Variants in CUX2 observed in about 807,000 individuals in gnomAD.
CUX2 encodes cut like homeobox 2, also known as homeobox protein cut-like 2.
In CUX2, 40 loss-of-function variants were observed where a neutral mutation model predicts 144.8. That is an observed-to-expected ratio of 0.28 (90% confidence interval 0.21 to 0.36). The LOEUF (loss-of-function observed/expected upper bound fraction) is 0.36. Ranked by LOEUF, CUX2 falls within the 10% of genes least tolerant of loss-of-function variation. The pLI is 1.00. For synonymous variants in CUX2, 827 were observed against 875.6 expected, an observed-to-expected ratio of 0.94 and a Z score of 0.98; for missense variants, 1,615 against 1,994.0, an observed-to-expected ratio of 0.81 and a Z score of 3.62.
chr12:111,347,590 G>A lies in CUX2; in HGVS notation c.3726G>A (p.Gly1242=). Reference sequence around the variant, plus strand: ...ATGAGCCAGACCTTGATCCAAGCGGGGGTCCTGGAATCCTACCGCCAGGCC... The same window carrying A: ...ATGAGCCAGACCTTGATCCAAGCGGAGGTCCTGGAATCCTACCGCCAGGCC... ...TQDEPDLDPS[G]GPGILPPGHS... is the part of the protein sequence containing the mutation. The change falls in exon 22 of 22, where the codon GGG becomes GGA. Residue 1242 remains glycine (G), a synonymous_variant. Transcript: ENST00000261726. 6.2e-7 allele frequency: 1 copy of A among 1,613,442 alleles called. No individual in the cohort carries two copies. The highest frequency in any genetic ancestry group is 1.1e-5 in the South Asian group (1 of 91,034).
At chr12:111,112,038 G>A (rs1287305329) in intron 1 of CUX2, among the ~76,000 whole-genome samples, 1 of 152,102 alleles carries the variant, frequency 6.6e-6, no homozygotes, top group Non-Finnish European at 1.5e-5. Context: ...AAGAAGTCCT[G>A]ATGCTGGGAG....
At chr12:111,195,019 G>A (rs1880153492) in intron 1 of CUX2, among the ~76,000 whole-genome samples, 1 of 152,172 alleles carries the variant, frequency 6.6e-6, no homozygotes, top group African/African-American at 2.4e-5. Context: ...ATGCGGGGGT[G>A]TCAAACTCCT....
chr12:111,260,490 T>G (rs539535909), intron 3 of CUX2, among the ~76,000 whole-genome samples: 1 of 152,196 alleles, frequency 6.6e-6, no homozygotes, highest in African/African-American at 2.4e-5. Flanking sequence ...TATTGGGGTA[T>G]TTTACATTCC....
chr12:111,194,975 C>G (rs879344811), intron 1 of CUX2, among the ~76,000 whole-genome samples: 3 of 152,150 alleles, frequency 2.0e-5, no homozygotes, highest in Admixed American at 2.0e-4. Flanking sequence ...ATCTCCCTCT[C>G]CCCAACCCTA....
At chr12:111,326,829 A>G (rs1295584087) in intron 18 of CUX2, among the ~76,000 whole-genome samples, 2 of 152,128 alleles carry the variant, frequency 1.3e-5, no homozygotes, top group Non-Finnish European at 2.9e-5. Flanking sequence ...GCTTGAACCC[A>G]GGAAGCAGAG....
intron 8 of CUX2, among the ~76,000 whole-genome samples, chr12:111,297,367 T>G (rs556487719): frequency 2.0e-5 from 3 of 152,360 alleles, no homozygotes; most frequent in African/African-American, 7.2e-5. Flanking sequence ...CTCTTCTCCT[T>G]CCTCTGAGTC....
intron 1 of CUX2, among the ~76,000 whole-genome samples, chr12:111,105,906 C>T (rs1873575236): frequency 6.6e-6 from 1 of 150,624 alleles, no homozygotes; most frequent in Non-Finnish European, 1.5e-5. Flanking sequence ...TCTCTGTTGC[C>T]CAGGTTGGAG....
intron 1 of CUX2, among the ~76,000 whole-genome samples, chr12:111,128,612 G>A (rs370449039): frequency 1.7e-4 from 26 of 152,250 alleles, no homozygotes; most frequent in African/African-American, 6.0e-4. Context: ...CCCAGTTCAT[G>A]ATGGGTAGCT....
At chr12:111,125,285 T>C (rs949830562) in intron 1 of CUX2, among the ~76,000 whole-genome samples, 2 of 151,994 alleles carry the variant, frequency 1.3e-5, no homozygotes, top group African/African-American at 4.8e-5. Context: ...GTTCAAGCGA[T>C]TCTCCTGCCT....
intron 17 of CUX2, among the ~76,000 whole-genome samples, chr12:111,321,879 G>C (rs753161282): frequency 2.6e-5 from 4 of 152,014 alleles, no homozygotes; most frequent in African/African-American, 7.3e-5. Context: ...GTCAGGGAAG[G>C]CTTCCTGGAG....
At chr12:111,165,911 G>C (rs1273552822) in intron 1 of CUX2, among the ~76,000 whole-genome samples, 1 of 152,192 alleles carries the variant, frequency 6.6e-6, no homozygotes, top group Non-Finnish European at 1.5e-5. Context: ...CACAGTGTTT[G>C]GTGGTGGTGA....
chr12:111,085,054 G>A (rs1407049977), intron 1 of CUX2, among the ~76,000 whole-genome samples: 3 of 152,248 alleles, frequency 2.0e-5, no homozygotes, highest in African/African-American at 7.2e-5. Context: ...CTGCCTCCGT[G>A]GAGCTGACCT....
At position 111,287,901 on chromosome 12, in the gene CUX2, T is replaced by C. The variant is rs1023787978; in HGVS notation, c.302-3517T>C. On this transcript the variant is annotated intron_variant, in intron 4 of 21. Transcript: ENST00000261726. The surrounding 1 kb of genome is among the most constrained non-coding windows in gnomAD (Gnocchi z 4.2). The stretch of plus-strand genomic sequence containing the variant: ...CTTTGTTGGGTTGGACTGTGGGTCA[T>C]ACTTCATGGTAGGTAGAAGAATTCC... 6.6e-6 allele frequency among the ~76,000 whole-genome samples: 1 copy of C among 152,256 alleles called. No individual in the cohort carries two copies. The highest frequency in any genetic ancestry group is 1.5e-5 in the Non-Finnish European group (1 of 68,046).
At chr12:111,064,351 A>G (rs984851148) in intron 1 of CUX2, among the ~76,000 whole-genome samples, 6 of 152,186 alleles carry the variant, frequency 3.9e-5, no homozygotes, top group Admixed American at 3.9e-4. Context: ...TTTCTCATCT[A>G]TAAAATGGGG....
chr12:111,057,726 CT>C lies in CUX2; in HGVS notation c.63+23487del, dbSNP rs754828157. Among the ~76,000 whole-genome samples the C allele has an allele frequency of 6.6e-6, 1 of 152,212 alleles. No homozygotes were observed. Among genetic ancestry groups the C allele is most frequent in the Non-Finnish European group, 1.5e-5 (1 of 68,038 alleles). ...CGTACTTTTCTTCAAATAAAAGCAGCTAATTAACATTATTCTTTAATTATTG... is the reference window on the plus strand; with the variant it reads ...CGTACTTTTCTTCAAATAAAAGCAGCAATTAACATTATTCTTTAATTATTG... On this transcript the variant is annotated intron_variant, in intron 1 of 21. Coordinates refer to ENST00000261726, the MANE Select transcript of CUX2 (RefSeq NM_015267.4). The surrounding 1 kb of genome is among the most constrained non-coding windows in gnomAD (Gnocchi z 5.1).
chr12:111,254,083 T>A (rs369538760), intron 3 of CUX2, among the ~76,000 whole-genome samples: 8 of 152,000 alleles, frequency 5.3e-5, no homozygotes, highest in Admixed American at 5.2e-4. Flanking sequence ...CACTGGCTAG[T>A]TGAGGAAATG....
At chr12:111,266,494 C>T (rs1039398614) in intron 4 of CUX2, among the ~76,000 whole-genome samples, 8 of 148,862 alleles carry the variant, frequency 5.4e-5, no homozygotes, top group African/African-American at 7.4e-5. Flanking sequence ...AAAAAAGAGA[C>T]GAGGGTACAG....
intron 1 of CUX2, among the ~76,000 whole-genome samples, chr12:111,181,903 C>T (rs188888679): frequency 6.6e-6 from 1 of 152,334 alleles, no homozygotes; most frequent in African/African-American, 2.4e-5. Context: ...GCCATTTCCT[C>T]ATGATATCTA....
chr12:111,330,742 T>TACATATACATATAC, intron 18 of CUX2, among the ~76,000 whole-genome samples: 1 of 76,656 alleles, frequency 1.3e-5, no homozygotes, highest in South Asian at 5.0e-4. Context: ...TATATATATA[T>TACATATACATATAC]ATATATATAA....
Sources: gnomAD v4.1 joint callset for allele counts (sites outside exome capture counted in the v4.1 genomes callset) on GRCh38, gnomAD v4.1.1 for gene constraint, Gnocchi (gnomAD v3.1) non-coding constraint, MANE v1.5 for transcripts, NCBI Gene and HGNC (gene_info 2026-07-23, HGNC 2026-07-21) for gene names.